The following GPC6 variants were observed in gnomAD, a reference collection of about 807,000 sequenced individuals.
GPC6 encodes glypican 6, also known as glypican-6.
GPC6 carries 14 observed loss-of-function variants against 55.2 expected under a neutral mutation model. The ratio of observed to expected loss-of-function variants is 0.25; its 90% CI spans 0.17 to 0.40. GPC6 has a LOEUF of 0.40. Among genes scored for constraint, GPC6 ranks in the 10% least tolerant of loss-of-function variants. GPC6 has a pLI of 1.00. For synonymous variants in GPC6, 278 were observed against 259.6 expected (o/e 1.07, Z -0.68); for missense variants, 641 against 708.5 (o/e 0.90, Z 1.08).
At chr13:93,538,669 A>C (rs972835584) in intron 1 of GPC6, among the ~76,000 whole-genome samples, 1 of 152,330 alleles carries the variant, frequency 6.6e-6, no homozygotes, top group African/African-American at 2.4e-5. Context: ...AAATTAACTG[A>C]GAGCCACAGA....
intron 4 of GPC6, among the ~76,000 whole-genome samples, chr13:94,235,194 A>T (rs1445930295): frequency 6.6e-6 from 1 of 152,156 alleles, no homozygotes; most frequent in Non-Finnish European, 1.5e-5. Flanking sequence ...TGAACTGGAG[A>T]TCAAAGAGTG....
intron 3 of GPC6, among the ~76,000 whole-genome samples, chr13:93,901,057 T>C (rs12428924): frequency 0.037 from 5,592 of 152,224 alleles, 288 homozygotes; most frequent in East Asian, 0.17. Context: ...AAATATACTT[T>C]CCTGAAATAG....
intron 1 of GPC6, among the ~76,000 whole-genome samples, chr13:93,464,159 A>G (rs1341301487): frequency 6.6e-6 from 1 of 152,094 alleles, no homozygotes; most frequent in South Asian, 2.1e-4. Context: ...AGTAAATCCT[A>G]ATCTTTTTGT....
chr13:94,204,756 A>T (rs1278105771), intron 4 of GPC6, among the ~76,000 whole-genome samples: 5 of 152,352 alleles, frequency 3.3e-5, no homozygotes, highest in Admixed American at 3.3e-4. Context: ...CACTAGAATT[A>T]ATCATATTCC....
chr13:94,261,641 A>G (rs1891661241), intron 4 of GPC6, among the ~76,000 whole-genome samples: 1 of 152,256 alleles, frequency 6.6e-6, no homozygotes, highest in African/African-American at 2.4e-5. Flanking sequence ...TGAGCACACT[A>G]ATAGTTAATA....
At chr13:93,414,718 G>A (rs866543592) in intron 1 of GPC6, among the ~76,000 whole-genome samples, 2 of 152,094 alleles carry the variant, frequency 1.3e-5, no homozygotes, top group African/African-American at 4.8e-5. Context: ...AGATAATGAA[G>A]GGTTTGCCAA....
At chr13:94,363,373 A>G (rs556786209) in intron 6 of GPC6, among the ~76,000 whole-genome samples, 1 of 152,280 alleles carries the variant, frequency 6.6e-6, no homozygotes, top group South Asian at 2.1e-4. Flanking sequence ...CATAGGCTGG[A>G]TTCAAACAGA....
chr13:94,220,576 G>A (rs1316391711), intron 4 of GPC6, among the ~76,000 whole-genome samples: 1 of 151,970 alleles, frequency 6.6e-6, no homozygotes, highest in African/African-American at 2.4e-5. Flanking sequence ...CAAACAGAGG[G>A]GCTTAAACAA....
At chr13:93,921,598 A>G (rs1877574574) in intron 3 of GPC6, among the ~76,000 whole-genome samples, 1 of 151,530 alleles carries the variant, frequency 6.6e-6, no homozygotes, top group Non-Finnish European at 1.5e-5. Flanking sequence ...ATTCCTCTCA[A>G]TATTCAGATG....
chr13:93,498,612 AT>A (rs1407126093), intron 1 of GPC6, among the ~76,000 whole-genome samples: 1 of 151,296 alleles, frequency 6.6e-6, no homozygotes, highest in Non-Finnish European at 1.5e-5. Flanking sequence ...CTTCTTCCTC[AT>A]TTTTCCCCTT....
chr13:94,271,364 A>ACGCGCGCG (rs1373300551), intron 4 of GPC6, among the ~76,000 whole-genome samples: 12 of 91,784 alleles, frequency 1.3e-4, no homozygotes, highest in Non-Finnish European at 2.4e-4. Context: ...ATACACACAC[A>ACGCGCGCG]CACGCGCGCG....
At chr13:93,806,651 G>A (rs1254942787) in intron 2 of GPC6, among the ~76,000 whole-genome samples, 4 of 152,132 alleles carry the variant, frequency 2.6e-5, no homozygotes, top group African/African-American at 9.7e-5. Flanking sequence ...ACTTGGCACA[G>A]TTCTAGATTG....
chr13:93,315,775 G>C (rs958534956), intron 1 of GPC6, among the ~76,000 whole-genome samples: 1 of 150,956 alleles, frequency 6.6e-6, no homozygotes, highest in Non-Finnish European at 1.5e-5. Flanking sequence ...TTTTAACCAT[G>C]TATGTAGTCA....
chr13:93,231,601 C>G (rs1415939148), intron 1 of GPC6, among the ~76,000 whole-genome samples: 2 of 151,428 alleles, frequency 1.3e-5, no homozygotes, highest in African/African-American at 2.4e-5. Context: ...TTAAATGGTT[C>G]ATGCGTTTAT....
intron 4 of GPC6, among the ~76,000 whole-genome samples, chr13:94,199,002 A>G (rs1469406542): frequency 6.6e-6 from 1 of 152,094 alleles, no homozygotes; most frequent in Non-Finnish European, 1.5e-5. Context: ...CATGAATCAG[A>G]CAAGCCAGTA....
In GPC6 at chr13:94,286,492, G is replaced by C. The variant is rs1257452687; in HGVS notation, c.1008+13G>C. 1 of 1,609,480 alleles carries C rather than the reference G, an allele frequency of 6.2e-7. No individual in the cohort carries two copies. The highest frequency in any genetic ancestry group is 8.5e-7 in the Non-Finnish European group (1 of 1,176,032). On this transcript the variant is annotated intron_variant, in intron 5 of 8. Coordinates refer to ENST00000377047, the MANE Select transcript of GPC6 (RefSeq NM_005708.5). ...GGTGTCTGCAAAGGTATTTGCATTAGTAATGTATCTGCCAATACATGTATG... is the reference window on the plus strand; with the variant it reads ...GGTGTCTGCAAAGGTATTTGCATTACTAATGTATCTGCCAATACATGTATG...
At chr13:93,664,713 G>A (rs868039753) in intron 2 of GPC6, among the ~76,000 whole-genome samples, 1 of 152,048 alleles carries the variant, frequency 6.6e-6, no homozygotes, top group African/African-American at 2.4e-5. Flanking sequence ...CACCTCCCGG[G>A]TTCAAGCAAT....
intron 4 of GPC6, among the ~76,000 whole-genome samples, chr13:94,037,470 A>G (rs780019894): frequency 5.3e-5 from 8 of 152,030 alleles, no homozygotes; most frequent in Non-Finnish European, 1.0e-4. Context: ...CTATGGTTCT[A>G]GATCTCATTA....
At chr13:94,250,582 C>G (rs1028251026) in intron 4 of GPC6, among the ~76,000 whole-genome samples, 1 of 152,126 alleles carries the variant, frequency 6.6e-6, no homozygotes, top group African/African-American at 2.4e-5. Flanking sequence ...CCCCAAATAT[C>G]CTTTTCTCCC....
Sources: gnomAD v4.1 joint callset for allele counts (sites outside exome capture counted in the v4.1 genomes callset) on GRCh38, gnomAD v4.1.1 for gene constraint, MANE v1.5 for transcripts, NCBI Gene and HGNC (gene_info 2026-07-23, HGNC 2026-07-21) for gene names.